The following FRMD5 variants were observed in gnomAD, a reference collection of about 807,000 sequenced individuals.
FRMD5 encodes FERM domain-containing protein 5.
Under a neutral mutation model 69.0 loss-of-function variants are expected in FRMD5, and 20 were observed. The ratio of observed to expected loss-of-function variants is 0.29; its 90% CI spans 0.20 to 0.42. The LOEUF is 0.42. FRMD5 is among the 10% of genes least tolerant of loss of function. The pLI is 1.00. For missense variants in FRMD5, 595 were observed against 708.6 expected, an observed-to-expected ratio of 0.84 and a Z score of 1.82; for synonymous variants, 271 against 260.1, an observed-to-expected ratio of 1.04 and a Z score of -0.40.
intron 1 of FRMD5, among the ~76,000 whole-genome samples, chr15:43,949,007 A>T (rs1401283017): frequency 6.6e-6 from 1 of 152,216 alleles, no homozygotes; most frequent in Non-Finnish European, 1.5e-5. Context: ...AAGAATCTAG[A>T]ATTTGGGGAC....
At chr15:43,906,001 CATT>C (rs2089163296) in intron 5 of FRMD5, 50 bp from the exon 6 acceptor site, 1 of 1,611,610 alleles carries the variant, frequency 6.2e-7, no homozygotes, top group Non-Finnish European at 8.5e-7. Context: ...GGTAAATCAT[CATT>C]GACAAAGCAA....
At chr15:44,159,417 G>A (rs1280060579) in intron 1 of FRMD5, among the ~76,000 whole-genome samples, 2 of 152,118 alleles carry the variant, frequency 1.3e-5, no homozygotes, top group East Asian at 3.9e-4. Context: ...ACTGGAAGGG[G>A]CAGGAATGAT....
At chr15:43,969,273 G>C (rs2090340946) in intron 1 of FRMD5, among the ~76,000 whole-genome samples, 1 of 151,860 alleles carries the variant, frequency 6.6e-6, no homozygotes, top group Non-Finnish European at 1.5e-5. Flanking sequence ...GTAGGGATGG[G>C]GTCTTACTAT....
intron 1 of FRMD5, among the ~76,000 whole-genome samples, chr15:43,975,450 GC>G (rs1429344925): frequency 6.6e-6 from 1 of 152,142 alleles, no homozygotes; most frequent in East Asian, 1.9e-4. Flanking sequence ...CAATATAAAA[GC>G]AATAGAGAAG....
intron 1 of FRMD5, among the ~76,000 whole-genome samples, chr15:43,959,083 T>C (rs2140533343): frequency 6.6e-6 from 1 of 152,344 alleles, no homozygotes; most frequent in East Asian, 1.9e-4. Flanking sequence ...TGTGCTTTCT[T>C]ACAAATTCAA....
At chr15:43,909,585 A>G (rs1251559196) in intron 5 of FRMD5, among the ~76,000 whole-genome samples, 2 of 152,064 alleles carry the variant, frequency 1.3e-5, no homozygotes, top group East Asian at 1.9e-4. Context: ...GGTTCAAGCA[A>G]TTCTTGCACC....
At chr15:44,064,288 T>G (rs768077548) in intron 1 of FRMD5, 15 of 159,022 alleles carry the variant, frequency 9.4e-5, no homozygotes, top group African/African-American at 7.2e-5. Flanking sequence ...TATAATGACA[T>G]CAAGAAGGTA....
At chr15:44,011,460 G>A (rs1890718408) in intron 1 of FRMD5, among the ~76,000 whole-genome samples, 1 of 152,162 alleles carries the variant, frequency 6.6e-6, no homozygotes, top group Non-Finnish European at 1.5e-5. Context: ...AGGTGCCCAG[G>A]AGAGAAATAG....
chr15:44,174,048 T>C (rs2077850996), intron 1 of FRMD5, among the ~76,000 whole-genome samples: 1 of 152,158 alleles, frequency 6.6e-6, no homozygotes, highest in Non-Finnish European at 1.5e-5. Flanking sequence ...TCAAGTTTCC[T>C]GAGTTCAAAC....
intron 1 of FRMD5, among the ~76,000 whole-genome samples, chr15:44,088,315 C>T (rs1894290296): frequency 6.6e-6 from 1 of 152,134 alleles, no homozygotes; most frequent in African/African-American, 2.4e-5. Flanking sequence ...TCCATTAACT[C>T]TCTCCCCACC....
In FRMD5 at chr15:43,873,851, C is replaced by T. The variant is rs2088234401; in HGVS notation, c.*34G>A. ...GAATGGGTAGCCGGGTTCCTTGGTC[C>T]ACCTGGCTAGTTTTTGGGAGGAGTC... On this transcript the variant is annotated 3_prime_UTR_variant, in exon 14 of 14. Coordinates refer to ENST00000417257, the MANE Select transcript of FRMD5 (RefSeq NM_032892.5). 1 of 1,607,406 alleles carries T rather than the reference C, an allele frequency of 6.2e-7. No homozygotes were observed. The highest frequency in any genetic ancestry group is 8.5e-7 in the Non-Finnish European group (1 of 1,175,786).
intron 13 of FRMD5, among the ~76,000 whole-genome samples, chr15:43,880,799 TA>T (rs1190017403): frequency 6.6e-6 from 1 of 152,204 alleles, no homozygotes; most frequent in Non-Finnish European, 1.5e-5. Context: ...GCCCTGGCCC[TA>T]GGGGGCCTAT....
intron 1 of FRMD5, among the ~76,000 whole-genome samples, chr15:44,094,044 T>A (rs1320055409): frequency 1.3e-5 from 2 of 152,088 alleles, no homozygotes; most frequent in Non-Finnish European, 2.9e-5. Context: ...TCCAGAAACA[T>A]ATGGACTCTG....
intron 1 of FRMD5, among the ~76,000 whole-genome samples, chr15:44,047,385 T>C (rs1479127983): frequency 6.6e-6 from 1 of 152,124 alleles, no homozygotes; most frequent in Non-Finnish European, 1.5e-5. Flanking sequence ...CTCTGACCAA[T>C]TACTAGGCCA....
chr15:44,170,333 A>T (rs1384775058), intron 1 of FRMD5, among the ~76,000 whole-genome samples: 2 of 152,084 alleles, frequency 1.3e-5, no homozygotes, highest in Non-Finnish European at 2.9e-5. Context: ...GACCAGCCTG[A>T]CCAATATGGT....
intron 1 of FRMD5, among the ~76,000 whole-genome samples, chr15:44,027,682 G>A (rs909545144): frequency 7.2e-6 from 1 of 138,048 alleles, no homozygotes; most frequent in African/African-American, 3.0e-5. Flanking sequence ...ACAGAGTCTC[G>A]CTCTGTTGCC....
chr15:43,996,715 A>ATTTTTTTTTTTTTTTT (rs11397296), intron 1 of FRMD5, among the ~76,000 whole-genome samples: 39 of 86,024 alleles, frequency 4.5e-4, no homozygotes, highest in African/African-American at 5.5e-4. Context: ...TCCTCAGCTG[A>ATTTTTTTTTTTTTTTT]TTTTTTTTTT....
At chr15:43,979,086 T>A (rs2090508651) in intron 1 of FRMD5, among the ~76,000 whole-genome samples, 1 of 151,952 alleles carries the variant, frequency 6.6e-6, no homozygotes, top group African/African-American at 2.4e-5. Context: ...GTCTTTAATC[T>A]CAGCACTTTG....
At chr15:44,075,665 T>G (rs1893727316) in intron 1 of FRMD5, among the ~76,000 whole-genome samples, 1 of 152,168 alleles carries the variant, frequency 6.6e-6, no homozygotes, top group Non-Finnish European at 1.5e-5. Flanking sequence ...TTGCCTCCCC[T>G]GCATATTCTC....
Sources: gnomAD v4.1 joint callset for allele counts (sites outside exome capture counted in the v4.1 genomes callset) on GRCh38, gnomAD v4.1.1 for gene constraint, MANE v1.5 for transcripts, NCBI Gene and HGNC (gene_info 2026-07-23, HGNC 2026-07-21) for gene names.